Variants in CAP2 observed in about 807,000 individuals in gnomAD.
CAP2 encodes the protein cyclase associated actin cytoskeleton regulatory protein 2.
Under a neutral mutation model 57.7 loss-of-function variants are expected in CAP2, and 24 were observed. That is an observed-to-expected ratio of 0.42 (90% CI 0.30 to 0.58). The LOEUF is 0.58. Ranked by LOEUF, CAP2 falls within the 20% of genes least tolerant of loss-of-function variation. The pLI is 0.22. For missense variants in CAP2, 501 were observed against 590.3 expected (o/e 0.85, Z 1.57); for synonymous variants, 194 against 207.2 (o/e 0.94, Z 0.55).
intron 4 of CAP2, among the ~76,000 whole-genome samples, chr6:17,479,892 G>A (rs1447718639): frequency 6.6e-6 from 1 of 152,008 alleles, no homozygotes; most frequent in African/African-American, 2.4e-5. Flanking sequence ...TGGGATTACA[G>A]GTGTGAGCCA....
chr6:17,405,679 T>C (rs2113508500), intron 1 of CAP2, among the ~76,000 whole-genome samples: 1 of 152,304 alleles, frequency 6.6e-6, no homozygotes. Context: ...AAGTTTTTGG[T>C]CATGATTTCT....
At chr6:17,492,187 G>A (rs926692705) in intron 4 of CAP2, among the ~76,000 whole-genome samples, 3 of 152,130 alleles carry the variant, frequency 2.0e-5, no homozygotes, top group Admixed American at 2.0e-4. Flanking sequence ...ATCAACCATG[G>A]GAAATGGTTG....
chr6:17,414,616 G>A (rs990808787), intron 1 of CAP2, among the ~76,000 whole-genome samples: 5 of 152,058 alleles, frequency 3.3e-5, no homozygotes, highest in Non-Finnish European at 7.4e-5. Context: ...AGTATTCCAT[G>A]GTGTATATGT....
At chr6:17,509,367 G>GT (rs1456424794) in intron 6 of CAP2, among the ~76,000 whole-genome samples, 11 of 151,964 alleles carry the variant, frequency 7.2e-5, no homozygotes, top group Non-Finnish European at 1.5e-4. Flanking sequence ...TAAGAACTAT[G>GT]TAACAATATT....
intron 4 of CAP2, among the ~76,000 whole-genome samples, chr6:17,474,693 T>G (rs771102914): frequency 6.6e-6 from 1 of 152,160 alleles, no homozygotes; most frequent in Non-Finnish European, 1.5e-5. Context: ...ACTTCTGAAA[T>G]AACTGTTATT....
At chr6:17,461,799 T>TGGC (rs1363686101) in intron 3 of CAP2, among the ~76,000 whole-genome samples, 5 of 150,560 alleles carry the variant, frequency 3.3e-5, no homozygotes, top group African/African-American at 4.9e-5. Context: ...GAGACCATCC[T>TGGC]GGCGAACACT....
intron 4 of CAP2, among the ~76,000 whole-genome samples, chr6:17,482,577 C>T (rs1761320348): frequency 6.7e-6 from 1 of 149,462 alleles, no homozygotes; most frequent in Admixed American, 6.7e-5. Flanking sequence ...CTCAGATGGC[C>T]CAAGGGAAGA....
At chr6:17,446,369 A>G (rs1226177234) in intron 3 of CAP2, among the ~76,000 whole-genome samples, 1 of 152,230 alleles carries the variant, frequency 6.6e-6, no homozygotes. Context: ...TACTTTAGAT[A>G]CCAAACAAGA....
intron 3 of CAP2, among the ~76,000 whole-genome samples, chr6:17,444,639 C>CAAAAAA (rs59730697): frequency 1.1e-5 from 1 of 90,022 alleles, no homozygotes; most frequent in Non-Finnish European, 2.2e-5. Flanking sequence ...GACTCTGTCT[C>CAAAAAA]AAAAAAAAAA....
At chr6:17,522,730 A>G (rs1312101039) in intron 7 of CAP2, among the ~76,000 whole-genome samples, 3 of 152,234 alleles carry the variant, frequency 2.0e-5, no homozygotes, top group Non-Finnish European at 4.4e-5. Context: ...TGAAATCCTT[A>G]TGCATTATGC....
intron 7 of CAP2, among the ~76,000 whole-genome samples, chr6:17,536,971 C>T (rs1240665738): frequency 6.6e-6 from 1 of 152,140 alleles, no homozygotes; most frequent in Non-Finnish European, 1.5e-5. Context: ...ACTGTGAAAT[C>T]ATTTTCTACT....
chr6:17,405,116 G>A (rs1480885260), intron 1 of CAP2, among the ~76,000 whole-genome samples: 1 of 152,000 alleles, frequency 6.6e-6, no homozygotes, highest in Non-Finnish European at 1.5e-5. Context: ...GGTGTAGTGG[G>A]GCACGCCTAT....
chr6:17,512,454 C>T (rs187549955), intron 6 of CAP2, among the ~76,000 whole-genome samples: 11 of 151,772 alleles, frequency 7.2e-5, no homozygotes, highest in Non-Finnish European at 1.3e-4. Context: ...CTATAATGTC[C>T]ACAAACATAC....
Position 17,547,618 on chromosome 6 carries a change from A to G in CAP2, c.1210-3846A>G, listed in dbSNP as rs562400144. Among the ~76,000 whole-genome samples, 116 of 152,010 alleles carry G rather than the reference A, an allele frequency of 7.6e-4. 1 individual carries two copies. Among genetic ancestry groups the G allele is most frequent in the Non-Finnish European group, 1.2e-3 (82 of 67,924 alleles). ...GCATTTTGGGAGGCCAAGGTGGGCA[A>G]ATCACGAGGTCCGGAGATTGAGACC... On this transcript the variant is annotated intron_variant, in intron 11 of 12. Coordinates refer to ENST00000229922, the MANE Select transcript of CAP2 (RefSeq NM_006366.3).
intron 1 of CAP2, among the ~76,000 whole-genome samples, chr6:17,395,387 G>A (rs1340657498): frequency 6.6e-6 from 1 of 152,178 alleles, no homozygotes; most frequent in Non-Finnish European, 1.5e-5. Flanking sequence ...CTTTTCACCA[G>A]TAACAAAATA....
intron 7 of CAP2, among the ~76,000 whole-genome samples, chr6:17,529,263 T>A (rs1353984563): frequency 6.6e-6 from 1 of 152,168 alleles, no homozygotes; most frequent in East Asian, 1.9e-4. Flanking sequence ...ATTAACAAAT[T>A]TGGAAAGGTG....
intron 7 of CAP2, among the ~76,000 whole-genome samples, chr6:17,529,440 G>T (rs961182171): frequency 1.3e-5 from 2 of 152,048 alleles, no homozygotes; most frequent in African/African-American, 2.4e-5. Flanking sequence ...AGGAGATCGA[G>T]ACCATCCTGG....
At chr6:17,458,333 CTAATT>C (rs1327932198) in intron 3 of CAP2, among the ~76,000 whole-genome samples, 1 of 152,132 alleles carries the variant, frequency 6.6e-6, no homozygotes, top group Non-Finnish European at 1.5e-5. Context: ...AAAACATACA[CTAATT>C]TAAACAGTCA....
At chr6:17,455,345 C>T (rs1348457200) in intron 3 of CAP2, among the ~76,000 whole-genome samples, 1 of 152,066 alleles carries the variant, frequency 6.6e-6, no homozygotes, top group East Asian at 1.9e-4. Flanking sequence ...GTGTGTGGTC[C>T]CTCCCAAGGG....
Sources: gnomAD v4.1 joint callset for allele counts (sites outside exome capture counted in the v4.1 genomes callset) on GRCh38, gnomAD v4.1.1 for gene constraint, MANE v1.5 for transcripts, NCBI Gene and HGNC (gene_info 2026-07-23, HGNC 2026-07-21) for gene names.